Variants in SGSM2 observed in about 807,000 individuals in gnomAD.
SGSM2 encodes the protein small G protein signaling modulator 2, also known as RUN and TBC1 domain containing 1.
SGSM2 carries 89 observed loss-of-function variants against 126.6 expected under a neutral mutation model. The ratio of observed to expected loss-of-function variants is 0.70; its 90% CI spans 0.59 to 0.84. SGSM2 has a LOEUF of 0.84. SGSM2 is among the 40% of genes least tolerant of loss of function. The probability of loss-of-function intolerance (pLI) is 0.00; values close to 1 mark genes in which losing one functional copy is unlikely to be tolerated. For synonymous variants in SGSM2, 614 were observed against 574.3 expected (o/e 1.07, Z -0.99); for missense variants, 1,404 against 1,416.6 (o/e 0.99, Z 0.14).
At chr17:2,377,271 G>A (rs1597397661) in intron 21 of SGSM2, 1 of 539,450 alleles carries the variant, frequency 1.9e-6, no homozygotes, top group East Asian at 3.2e-5. Flanking sequence ...GGATCACGAA[G>A]TCAGGAGTTT....
chr17:2,380,360 A>G lies in SGSM2; in HGVS notation c.*840A>G. On this transcript the variant is annotated 3_prime_UTR_variant, in exon 24 of 24. Coordinates refer to ENST00000268989, the MANE Select transcript of SGSM2 (RefSeq NM_014853.3). ...ACTTGCTCTGAGGAATCCCAGGGTG[A>G]CTCTGTCGGGGAAGAATCCGGTCAC... 6.7e-7 allele frequency: 1 copy of G among 1,490,640 alleles called. No individual in the cohort carries two copies. The highest frequency in any genetic ancestry group is 9.0e-7 in the Non-Finnish European group (1 of 1,105,914). The allele number at this position is 1,490,640 out of a possible 1,614,324, so 92.3% of individuals were successfully genotyped here. A position where few individuals can be genotyped will look rare whatever the true frequency, so the allele number is the denominator to read the frequency against.
intron 2 of SGSM2, among the ~76,000 whole-genome samples, chr17:2,344,388 CTG>C (rs2064503209): frequency 6.6e-6 from 1 of 152,216 alleles, no homozygotes; most frequent in African/African-American, 2.4e-5. Context: ...TTCACCTTCT[CTG>C]TGTTGTATTC....
In SGSM2 at chr17:2,340,290, A is replaced by G. The variant is rs368654076; in HGVS notation, c.57+2545A>G. Among the ~76,000 whole-genome samples the G allele has an allele frequency of 5.8e-4, 88 of 151,466 alleles. No homozygotes were observed. In the East Asian group the frequency reaches 0.016, roughly 27 times the overall value. ...CCACCACACCCAGCTAATTTTTCGT[A>G]TTTTAGTAGAGATGGGGTTTCACCA... On this transcript the variant is annotated intron_variant, in intron 1 of 23. Coordinates refer to ENST00000268989, the MANE Select transcript of SGSM2 (RefSeq NM_014853.3).
In SGSM2 at chr17:2,380,700, T is replaced by G; in HGVS notation, c.*1180T>G. ...ACCCCAACACATGCAGGCTAGGCCT[T>G]GCCCTGGAACATGGAGGCCCTGCCC... On this transcript the variant is annotated 3_prime_UTR_variant, in exon 24 of 24. Coordinates refer to ENST00000268989, the MANE Select transcript of SGSM2 (RefSeq NM_014853.3). 3.7e-6 allele frequency: 1 copy of G among 271,004 alleles called. No individual in the cohort carries two copies. Among genetic ancestry groups the G allele is most frequent in the Non-Finnish European group, 7.2e-6 (1 of 139,704 alleles). The allele number at this position is 271,004 out of a possible 1,614,324, so 16.8% of individuals were successfully genotyped here.
chr17:2,368,730 T>C (rs7210932), intron 12 of SGSM2, among the ~76,000 whole-genome samples: 77,237 of 150,808 alleles, frequency 0.51, 20,115 homozygotes, highest in Admixed American at 0.62. Context: ...ACTTCTGATG[T>C]TTATTGCCTA....
Position 2,340,290 on chromosome 17 carries a change from A to AT in SGSM2, c.57+2549dup, listed in dbSNP as rs1567794679. Among the ~76,000 whole-genome samples, 5 of 151,462 alleles carry AT rather than the reference A, an allele frequency of 3.3e-5. No homozygotes were observed. In the South Asian group the frequency reaches 8.4e-4, roughly 25 times the overall value. ...CCACCACACCCAGCTAATTTTTCGT[A>AT]TTTTAGTAGAGATGGGGTTTCACCA... is the stretch of plus-strand genomic sequence containing the variant. On this transcript the variant is annotated intron_variant, in intron 1 of 23. Coordinates refer to ENST00000268989, the MANE Select transcript of SGSM2 (RefSeq NM_014853.3).
rs1192969193 is a variant in SGSM2, at chr17:2,373,034, C to G, written c.1870C>G (p.Leu624Val). 6.2e-7 allele frequency: 1 copy of G among 1,607,434 alleles called. No homozygotes were observed. Residue 624 changes from leucine (L) to valine (V), a missense_variant, in exon 16 of 24, where the codon CTG becomes GTG. By Grantham distance (32) the Leu-to-Val change is conservative (BLOSUM62 1). Transcript: ENST00000268989. The stretch of plus-strand genomic sequence containing the variant: ...GATCCGCAAGGACGTCTGGCCCTTT[C>G]TGCTTGGCCACTACAAGTTCGGCAT... Reference protein sequence around the residue: ...HEIRKDVWPFLLGHYKFGMSK... With the variant: ...HEIRKDVWPFVLGHYKFGMSK...
chr17:2,353,964 A>G (rs1312324746), intron 2 of SGSM2, among the ~76,000 whole-genome samples: 2 of 149,372 alleles, frequency 1.3e-5, no homozygotes, highest in Admixed American at 6.7e-5. Context: ...GCTGGAGTGC[A>G]ATGGTGCAAT....
At position 2,372,102 on chromosome 17, in the gene SGSM2, C is replaced by T. The variant is rs541592150; in HGVS notation, c.1578-88C>T. ...CGCACCCTCCCCAGTGCCTTACCTG[C>T]CCCCCAGGACAGAGCCTCCTCCCTT... On this transcript the variant is annotated intron_variant, in intron 13 of 23. Coordinates refer to ENST00000268989, the MANE Select transcript of SGSM2 (RefSeq NM_014853.3). The surrounding 1 kb of genome is among the most constrained non-coding windows in gnomAD (Gnocchi z 6.0). The T allele has an allele frequency of 5.5e-4, 814 of 1,482,084 alleles. 3 individuals carry two copies. The highest frequency in any genetic ancestry group is 6.7e-4 in the Non-Finnish European group (714 of 1,071,222). 91.8% of individuals were successfully genotyped at this position (1,482,084 alleles called of 1,614,324 possible).
Position 2,380,085 on chromosome 17 carries a change from C to T in SGSM2, c.*565C>T. ...ACCCGGGCCGCCTTCAGGCCGCTCC[C>T]CCGAGATTCTGGGGCAGTCGGAAGA... On this transcript the variant is annotated 3_prime_UTR_variant, in exon 24 of 24. Transcript: ENST00000268989. 4.3e-6 allele frequency: 6 copies of T among 1,403,118 alleles called. No homozygotes were observed. Among genetic ancestry groups the T allele is most frequent in the Non-Finnish European group, 4.6e-6 (5 of 1,082,500 alleles). 86.9% of individuals were successfully genotyped at this position (1,403,118 alleles called of 1,614,324 possible).
At position 2,367,043 on chromosome 17, in the gene SGSM2, G is replaced by C. The variant is rs2065622574; in HGVS notation, c.1289-228G>C. The C allele has an allele frequency of 1.9e-6, 1 of 525,958 alleles. No homozygotes were observed. Among genetic ancestry groups the C allele is most frequent in the Non-Finnish European group, 3.4e-6 (1 of 292,988 alleles). The allele number at this position is 525,958 out of a possible 1,614,324, so 32.6% of individuals were successfully genotyped here. ...TCTCTCTTCTGTTCTTCCTAGAGAG[G>C]CTGCCTCCGAAGAGTGAGGTTCTGC... On this transcript the variant is annotated intron_variant, in intron 11 of 23. Coordinates refer to ENST00000268989, the MANE Select transcript of SGSM2 (RefSeq NM_014853.3). This position sits in a 1 kb window ranked among gnomAD's most constrained non-coding sequence, Gnocchi z 4.0.
Position 2,375,475 on chromosome 17 carries a change from C to T in SGSM2, c.2101-17C>T. 6.3e-7 allele frequency: 1 copy of T among 1,590,900 alleles called. No individual in the cohort carries two copies. Among genetic ancestry groups the T allele is most frequent in the Non-Finnish European group, 8.6e-7 (1 of 1,165,990 alleles). ...GTGCTGGAGTGCAGGTGGAGCCGCCCTGTGTTCACCCCCCAGGTGTTTATC... is the reference window on the plus strand; with the variant it reads ...GTGCTGGAGTGCAGGTGGAGCCGCCTTGTGTTCACCCCCCAGGTGTTTATC... On this transcript the variant is annotated splice_polypyrimidine_tract_variant and intron_variant, in intron 17 of 23. Transcript: ENST00000268989.
Position 2,361,709 on chromosome 17 carries a change from C to A in SGSM2, c.206C>A (p.Ala69Glu), listed in dbSNP as rs768154086. The change falls in exon 3 of 24, where the codon GCA becomes GAA. Residue 69 changes from alanine to glutamate, a missense_variant. Physicochemically the swap from Ala to Glu is moderately radical, Grantham distance 107 (BLOSUM62 -1). Coordinates refer to ENST00000268989, the MANE Select transcript of SGSM2 (RefSeq NM_014853.3). ...AAGFLRSDKM[A>E]ALFTKVGKTC... Reference sequence around the variant, plus strand: ...GGCTTCCTGCGCAGTGACAAGATGGCAGCCCTGTTCACCAAGGTGGGGAAG... The same window carrying A: ...GGCTTCCTGCGCAGTGACAAGATGGAAGCCCTGTTCACCAAGGTGGGGAAG... 6.2e-7 allele frequency: 1 copy of A among 1,613,940 alleles called. No homozygotes were observed. Among genetic ancestry groups the A allele is most frequent in the South Asian group, 1.1e-5 (1 of 91,086 alleles).
chr17:2,373,673 CTG>C (rs1423882389), intron 17 of SGSM2, 160 bp downstream of exon 17: 11 of 633,846 alleles, frequency 1.7e-5, no homozygotes, highest in African/African-American at 1.5e-4. Context: ...AAATGGCTAA[CTG>C]TGCCTCTGCT....
At chr17:2,344,562 C>T (rs534768787) in intron 2 of SGSM2, among the ~76,000 whole-genome samples, 12 of 152,308 alleles carry the variant, frequency 7.9e-5, no homozygotes, top group African/African-American at 2.6e-4. Context: ...TGCCAGACAC[C>T]GTTCACCGTG....
rs1316057624 is a variant in SGSM2, at chr17:2,376,747, A to C, written c.2624A>C (p.His875Pro). The C allele has an allele frequency of 6.2e-7, 1 of 1,613,864 alleles. No individual in the cohort carries two copies. The highest frequency in any genetic ancestry group is 2.2e-5 in the East Asian group (1 of 44,896). ...RDVMCSYVWEHLDVGYVQGMC... is the reference protein window; with the variant it reads ...RDVMCSYVWEPLDVGYVQGMC... ...CTGCCTTTCAGCTACGTGTGGGAGC[A>C]CCTGGACGTGGGCTATGTGCAGGGC... is the stretch of plus-strand genomic sequence containing the variant. Residue 875 changes from histidine (H) to proline (P), a missense_variant, in exon 20 of 24, where the codon CAC becomes CCC. Physicochemically the swap from His to Pro is moderately conservative, Grantham distance 77. Coordinates refer to ENST00000268989, the MANE Select transcript of SGSM2 (RefSeq NM_014853.3).
At chr17:2,354,431 A>C (rs2065006751) in intron 2 of SGSM2, among the ~76,000 whole-genome samples, 1 of 152,226 alleles carries the variant, frequency 6.6e-6, no homozygotes, top group South Asian at 2.1e-4. Flanking sequence ...CAATTATACC[A>C]TTCTGCATCT....
At chr17:2,346,575 T>C (rs1355035362) in intron 2 of SGSM2, among the ~76,000 whole-genome samples, 1 of 152,134 alleles carries the variant, frequency 6.6e-6, no homozygotes, top group African/African-American at 2.4e-5. Flanking sequence ...GTGTTTGCTG[T>C]GGTTGTTCCT....
chr17:2,367,003 C>T lies in SGSM2; in HGVS notation c.1289-268C>T, dbSNP rs962422542. The T allele has an allele frequency of 2.3e-6, 1 of 429,078 alleles. No individual in the cohort carries two copies. The highest frequency in any genetic ancestry group is 4.3e-6 in the Non-Finnish European group (1 of 234,994). The allele number at this position is 429,078 out of a possible 1,614,324, so 26.6% of individuals were successfully genotyped here. A position where few individuals can be genotyped will look rare whatever the true frequency, so the allele number is the denominator to read the frequency against. ...CCAGACAGTCCCGGTCTTTCACATC[C>T]TCCCACCTCTGTTCTCTCTCTTCTG... On this transcript the variant is annotated intron_variant, in intron 11 of 23. Coordinates refer to ENST00000268989, the MANE Select transcript of SGSM2 (RefSeq NM_014853.3). The surrounding 1 kb of genome is among the most constrained non-coding windows in gnomAD (Gnocchi z 4.0).
Sources: allele counts gnomAD v4.1 joint callset (sites outside exome capture counted in the v4.1 genomes callset), GRCh38; gene constraint gnomAD v4.1.1; non-coding constraint Gnocchi (gnomAD v3.1); transcripts MANE v1.5; gene names NCBI Gene and HGNC (gene_info 2026-07-23, HGNC 2026-07-21).